Variants in UVRAG observed in about 807,000 individuals in gnomAD.
UVRAG encodes UV radiation resistance-associated gene protein.
In UVRAG, 19 loss-of-function variants were observed where a neutral mutation model predicts 78.0. That is an observed-to-expected ratio of 0.24 (90% CI 0.17 to 0.36). UVRAG has a LOEUF of 0.36. Ranked by LOEUF, UVRAG falls within the 10% of genes least tolerant of loss-of-function variation. UVRAG has a pLI of 1.00. For missense variants in UVRAG, 740 were observed against 853.8 expected (o/e 0.87, Z 1.66); for synonymous variants, 323 against 324.6 (o/e 1.00, Z 0.05).
At chr11:75,976,597 A>G (rs1273004821) in intron 7 of UVRAG, among the ~76,000 whole-genome samples, 1 of 151,978 alleles carries the variant, frequency 6.6e-6, no homozygotes, top group Non-Finnish European at 1.5e-5. Flanking sequence ...TAGTCTTGGG[A>G]TGGTGTATGT....
Position 76,141,666 on chromosome 11 carries a change from G to A in UVRAG, c.*253G>A. 1 of 501,716 alleles carries A rather than the reference G, an allele frequency of 2.0e-6. No homozygotes were observed. Among genetic ancestry groups the A allele is most frequent in the East Asian group, 3.5e-5 (1 of 28,512 alleles). The allele number at this position is 501,716 out of a possible 1,614,324, so 31.1% of individuals were successfully genotyped here. ...CAAAAATCACCCTCTAGTTGAAAGA[G>A]CTTACAGCTCGAGTCACCTTTTAGC... On this transcript the variant is annotated 3_prime_UTR_variant, in exon 15 of 15. Coordinates refer to ENST00000356136, the MANE Select transcript of UVRAG (RefSeq NM_003369.4).
At position 76,136,298 on chromosome 11, in the gene UVRAG, A is replaced by T. The variant is rs543255574; in HGVS notation, c.1398-4413A>T. ...TCTATGCATTATGTTTTTATACGAG[A>T]TGCTCACAGCAGTTTGTTTTTTAAT... On this transcript the variant is annotated intron_variant, in intron 14 of 14. Transcript: ENST00000356136. Among the ~76,000 whole-genome samples, 145 of 152,240 alleles carry T rather than the reference A, an allele frequency of 9.5e-4. 4 individuals are homozygous for T. In the South Asian group the frequency reaches 0.03, roughly 31 times the overall value.
intron 12 of UVRAG, among the ~76,000 whole-genome samples, chr11:76,035,227 T>G (rs1292912210): frequency 6.6e-6 from 1 of 152,200 alleles, no homozygotes; most frequent in South Asian, 2.1e-4. Context: ...ATTTGCTGAG[T>G]CATGTTCTGT....
chr11:76,099,016 C>T (rs969103642), intron 13 of UVRAG, among the ~76,000 whole-genome samples: 18 of 152,156 alleles, frequency 1.2e-4, no homozygotes, highest in African/African-American at 4.3e-4. Flanking sequence ...TTCTAAGTCT[C>T]CACTCACTGG....
At chr11:76,061,324 C>CG (rs2134372521) in intron 12 of UVRAG, among the ~76,000 whole-genome samples, 1 of 152,252 alleles carries the variant, frequency 6.6e-6, no homozygotes, top group South Asian at 2.1e-4. Context: ...GCAGACCACT[C>CG]GGCTCTCTGT....
chr11:75,888,709 AGATG>A, intron 4 of UVRAG, 116 bp from the exon 5 acceptor site: 2 of 715,062 alleles, frequency 2.8e-6, no homozygotes, highest in Non-Finnish European at 4.5e-6. Context: ...TAGTATGTTT[AGATG>A]TAGTCAGCCG....
chr11:75,949,758 TGTATAC>T (rs1289038159), intron 6 of UVRAG, among the ~76,000 whole-genome samples: 3 of 149,452 alleles, frequency 2.0e-5, no homozygotes, highest in African/African-American at 7.5e-5. Flanking sequence ...TACACACATA[TGTATAC>T]ATATATACAC....
chr11:76,118,394 TCTTA>T (rs547894867), intron 14 of UVRAG, among the ~76,000 whole-genome samples: 7 of 152,302 alleles, frequency 4.6e-5, no homozygotes, highest in South Asian at 4.1e-4. Flanking sequence ...CTTTTTCTTG[TCTTA>T]CTATGTTTTA....
chr11:75,969,977 A>T (rs1431231539), intron 7 of UVRAG, among the ~76,000 whole-genome samples: 2 of 152,176 alleles, frequency 1.3e-5, no homozygotes, highest in Non-Finnish European at 2.9e-5. Context: ...TACAATTTTA[A>T]TTGTTTACTT....
At chr11:76,005,499 A>G (rs1350206008) in intron 9 of UVRAG, among the ~76,000 whole-genome samples, 3 of 152,248 alleles carry the variant, frequency 2.0e-5, no homozygotes, top group African/African-American at 7.2e-5. Flanking sequence ...GTGCTGTTTT[A>G]GATAACTAAA....
chr11:75,912,847 C>T (rs982535248), intron 6 of UVRAG, among the ~76,000 whole-genome samples: 2 of 152,226 alleles, frequency 1.3e-5, no homozygotes, highest in African/African-American at 4.8e-5. Flanking sequence ...ATTGGCCTTT[C>T]GTTTGTGAAA....
At chr11:76,045,813 G>A (rs988789486) in intron 12 of UVRAG, among the ~76,000 whole-genome samples, 2 of 151,044 alleles carry the variant, frequency 1.3e-5, no homozygotes, top group African/African-American at 4.8e-5. Flanking sequence ...GTACAAAAAA[G>A]AAACAGAAAA....
intron 14 of UVRAG, among the ~76,000 whole-genome samples, chr11:76,131,382 A>G (rs1044637070): frequency 6.6e-6 from 1 of 152,160 alleles, no homozygotes; most frequent in Non-Finnish European, 1.5e-5. Flanking sequence ...CACTGGCCCA[A>G]GCTGGGCCAT....
At chr11:75,940,400 AT>A (rs1256288341) in intron 6 of UVRAG, among the ~76,000 whole-genome samples, 1 of 152,232 alleles carries the variant, frequency 6.6e-6, no homozygotes, top group South Asian at 2.1e-4. Flanking sequence ...TTTTAAAAAA[AT>A]GATTTACTAT....
intron 13 of UVRAG, among the ~76,000 whole-genome samples, chr11:76,105,703 A>T (rs1591243852): frequency 6.6e-6 from 1 of 152,150 alleles, no homozygotes; most frequent in South Asian, 2.1e-4. Context: ...AGCTGTGGTC[A>T]CACCACTGCA....
At chr11:75,830,865 C>G (rs1945640155) in intron 1 of UVRAG, among the ~76,000 whole-genome samples, 1 of 152,098 alleles carries the variant, frequency 6.6e-6, no homozygotes, top group Non-Finnish European at 1.5e-5. Context: ...ACCATGTATC[C>G]CACAGTGGTT....
At chr11:76,102,408 T>A (rs1203594369) in intron 13 of UVRAG, among the ~76,000 whole-genome samples, 2 of 152,162 alleles carry the variant, frequency 1.3e-5, no homozygotes, top group Non-Finnish European at 2.9e-5. Flanking sequence ...GTGATTTTTG[T>A]ACGCTGATTT....
intron 1 of UVRAG, among the ~76,000 whole-genome samples, chr11:75,851,515 T>C (rs1946152074): frequency 6.6e-6 from 1 of 152,228 alleles, no homozygotes; most frequent in African/African-American, 2.4e-5. Flanking sequence ...TGGTATGAGA[T>C]GGATTTTATA....
intron 14 of UVRAG, among the ~76,000 whole-genome samples, chr11:76,135,167 T>G (rs530768597): frequency 6.6e-6 from 1 of 152,286 alleles, no homozygotes; most frequent in South Asian, 2.1e-4. Flanking sequence ...CCAAAAAGAT[T>G]GAGGAGCACT....
Sources: gnomAD v4.1 joint callset for allele counts (sites outside exome capture counted in the v4.1 genomes callset) on GRCh38, gnomAD v4.1.1 for gene constraint, MANE v1.5 for transcripts, NCBI Gene and HGNC (gene_info 2026-07-23, HGNC 2026-07-21) for gene names.